The following CNIH3 variants were observed in gnomAD, a reference collection of about 807,000 sequenced individuals.
CNIH3 encodes the protein protein cornichon homolog 3.
A neutral mutation model predicts 24.1 loss-of-function variants in CNIH3; 14 were observed. The ratio of observed to expected loss-of-function variants is 0.58; its 90% CI spans 0.38 to 0.91. CNIH3 has a LOEUF of 0.91. CNIH3 is among the 40% of genes least tolerant of loss of function. The pLI, the probability that CNIH3 is intolerant of heterozygous loss-of-function variation, is 0.00. For missense variants in CNIH3, 178 were observed against 196.8 expected (o/e 0.90, Z 0.57); for synonymous variants, 68 against 73.8 (o/e 0.92, Z 0.40).
intron 1 of CNIH3, among the ~76,000 whole-genome samples, chr1:224,653,620 A>C (rs1358540393): frequency 1.3e-5 from 2 of 152,252 alleles, no homozygotes; most frequent in African/African-American, 4.8e-5. Flanking sequence ...GGAAAATACA[A>C]GACTTTGCAG....
chr1:224,435,176 C>T, intron 1 of CNIH3: 1 of 986,258 alleles, frequency 1.0e-6, no homozygotes, highest in South Asian at 4.7e-5. Flanking sequence ...CCTTCTCCAT[C>T]AGGTGCAGAA....
chr1:224,706,700 A>G (rs1032298149), intron 3 of CNIH3, among the ~76,000 whole-genome samples: 60 of 152,184 alleles, frequency 3.9e-4, no homozygotes, highest in Non-Finnish European at 8.5e-4. Flanking sequence ...ATCGAAGGTA[A>G]ACAAAAGTGC....
intron 4 of CNIH3, among the ~76,000 whole-genome samples, chr1:224,582,009 G>T (rs1023536624): frequency 2.0e-5 from 3 of 152,144 alleles, no homozygotes; most frequent in East Asian, 3.8e-4. Context: ...CAGGTGATGG[G>T]GGTGGACATG....
intron 4 of CNIH3, among the ~76,000 whole-genome samples, chr1:224,579,036 G>A (rs1681154695): frequency 1.3e-5 from 2 of 150,002 alleles, no homozygotes; most frequent in Admixed American, 1.3e-4. Flanking sequence ...TTCAGATGTT[G>A]GACCTCCTGA....
exon 1 of CNIH3, chr1:224,434,661 G>A: frequency 1.2e-6 from 1 of 803,322 alleles, no homozygotes; most frequent in Non-Finnish European, 1.5e-6. Flanking sequence ...CGCGGGGCCC[G>A]CCGCTGGGCT....
intron 4 of CNIH3, among the ~76,000 whole-genome samples, chr1:224,573,186 G>A (rs1202283677): frequency 6.6e-6 from 1 of 152,046 alleles, no homozygotes; most frequent in African/African-American, 2.4e-5. Flanking sequence ...TCAAAGATTT[G>A]TTAATTTTGT....
intron 1 of CNIH3, among the ~76,000 whole-genome samples, chr1:224,467,792 G>GTT (rs201478820): frequency 8.5e-5 from 12 of 141,330 alleles, no homozygotes; most frequent in East Asian, 6.2e-4. Flanking sequence ...ATTTCCTCCT[G>GTT]TTTTTTTTTT....
At chr1:224,705,595 C>T (rs1318706064) in intron 3 of CNIH3, among the ~76,000 whole-genome samples, 1 of 152,176 alleles carries the variant, frequency 6.6e-6, no homozygotes, top group African/African-American at 2.4e-5. Context: ...AGGTATTGAA[C>T]CTGTGATAGG....
intron 3 of CNIH3, among the ~76,000 whole-genome samples, chr1:224,600,217 T>G (rs1572556123): frequency 6.6e-6 from 1 of 151,708 alleles, no homozygotes; most frequent in Admixed American, 6.6e-5. Flanking sequence ...GAGACGTAGT[T>G]TCACTCTTGT....
At chr1:224,633,055 C>T (rs1293239674) in intron 1 of CNIH3, among the ~76,000 whole-genome samples, 1 of 152,138 alleles carries the variant, frequency 6.6e-6, no homozygotes, top group Non-Finnish European at 1.5e-5. Context: ...TTGCTTGCTC[C>T]CTGCCCCTTA....
chr1:224,640,119 G>A (rs546914084), intron 1 of CNIH3, among the ~76,000 whole-genome samples: 62 of 152,266 alleles, frequency 4.1e-4, no homozygotes, highest in African/African-American at 1.3e-3. Flanking sequence ...CAAAACCTCC[G>A]TGTGGATGTG....
At chr1:224,712,124 T>C (rs1021979532) in intron 3 of CNIH3, among the ~76,000 whole-genome samples, 2 of 152,206 alleles carry the variant, frequency 1.3e-5, no homozygotes, top group Non-Finnish European at 2.9e-5. Flanking sequence ...AAGGCTTGTC[T>C]AAAGTCCACT....
At chr1:224,578,560 G>A (rs904286379) in intron 4 of CNIH3, among the ~76,000 whole-genome samples, 3 of 152,046 alleles carry the variant, frequency 2.0e-5, no homozygotes, top group African/African-American at 7.3e-5. Context: ...TCATTTTGGT[G>A]ACTGGTACTA....
Position 224,588,122 on chromosome 1 carries a change from C to T in CNIH3, n.621-239C>T, listed in dbSNP as rs140136670. ...TTCTATTGTGTTTCCCACCCACCCC[C>T]ATGTTCGTTCCCTCCCTTGAGCTGT... On this transcript the variant is annotated intron_variant and non_coding_transcript_variant, in intron 5 of 5. Coordinates refer to the CNIH3 transcript ENST00000471578. 2.2e-3 allele frequency among the ~76,000 whole-genome samples: 332 copies of T among 152,226 alleles called. 2 individuals are homozygous for T. The highest frequency in any genetic ancestry group is 7.1e-3 in the African/African-American group (294 of 41,538).
Position 224,535,487 on chromosome 1 carries a change from C to T in CNIH3, n.344-1449C>T, listed in dbSNP as rs73133316. On this transcript the variant is annotated intron_variant and non_coding_transcript_variant, in intron 2 of 2. Coordinates refer to the CNIH3 transcript ENST00000470602. ...TGAGAAACAAACGGACTGTCCCTTT[C>T]ATCAAGGTTAACGTGTCTGAAGTTT... 2.5e-3 allele frequency among the ~76,000 whole-genome samples: 378 copies of T among 152,334 alleles called. 2 individuals carry two copies. Among genetic ancestry groups the T allele is most frequent in the African/African-American group, 8.2e-3 (339 of 41,574 alleles).
intron 1 of CNIH3, among the ~76,000 whole-genome samples, chr1:224,672,060 G>A (rs918831975): frequency 1.3e-5 from 2 of 152,204 alleles, no homozygotes; most frequent in Non-Finnish European, 2.9e-5. Flanking sequence ...CTCCAGTGGA[G>A]CTCTTTGTGC....
At chr1:224,603,506 T>C (rs1408052161) in intron 3 of CNIH3, among the ~76,000 whole-genome samples, 1 of 152,168 alleles carries the variant, frequency 6.6e-6, no homozygotes, top group Non-Finnish European at 1.5e-5. Context: ...TGGATCTGCT[T>C]CTTCTTGATC....
At chr1:224,707,986 GTCC>G (rs1687915979) in intron 3 of CNIH3, among the ~76,000 whole-genome samples, 1 of 152,024 alleles carries the variant, frequency 6.6e-6, no homozygotes, top group Non-Finnish European at 1.5e-5. Flanking sequence ...CTGTTGCAGG[GTCC>G]TCCTGCCATG....
At chr1:224,469,254 A>T (rs1021437568) in intron 1 of CNIH3, among the ~76,000 whole-genome samples, 4 of 150,934 alleles carry the variant, frequency 2.7e-5, no homozygotes, top group African/African-American at 4.9e-5. Context: ...CTAATTTTTA[A>T]TTTTTTTTGT....
Sources: gnomAD v4.1 joint callset for allele counts (sites outside exome capture counted in the v4.1 genomes callset) on GRCh38, gnomAD v4.1.1 for gene constraint, MANE v1.5 for transcripts, NCBI Gene and HGNC (gene_info 2026-07-23, HGNC 2026-07-21) for gene names.